IPPK: variants seen among roughly 807,000 people sequenced by gnomAD.
IPPK encodes the protein inositol-pentakisphosphate 2-kinase, also known as IPK1 homolog.
In IPPK, 22 loss-of-function variants were observed where a neutral mutation model predicts 64.6. The ratio of observed to expected loss-of-function variants is 0.34; its 90% CI spans 0.24 to 0.49. The LOEUF (loss-of-function observed/expected upper bound fraction) is 0.49. Ranked by LOEUF, IPPK falls within the 20% of genes least tolerant of loss-of-function variation. The pLI, the probability that IPPK is intolerant of heterozygous loss-of-function variation, is 0.99. For missense variants in IPPK, 532 were observed against 630.7 expected (o/e 0.84, Z 1.68); for synonymous variants, 262 against 247.2 (o/e 1.06, Z -0.56).
At chr9:92,649,689 T>A (rs970897197) in intron 4 of IPPK, 115 bp from the exon 5 acceptor site, 2 of 1,233,470 alleles carry the variant, frequency 1.6e-6, no homozygotes, top group African/African-American at 3.0e-5. Context: ...CTGTACCTGA[T>A]GAAAACCTCA....
At chr9:92,638,339 C>A in intron 8 of IPPK, 59 bp from the exon 9 acceptor site, 1 of 1,562,412 alleles carries the variant, frequency 6.4e-7, no homozygotes, top group Non-Finnish European at 8.7e-7. Context: ...AGGAAAAGAA[C>A]TCAGTCCCCA....
intron 11 of IPPK, among the ~76,000 whole-genome samples, chr9:92,627,490 A>G (rs931934349): frequency 6.6e-6 from 1 of 152,232 alleles, no homozygotes; most frequent in Non-Finnish European, 1.5e-5. Context: ...ACATATAAGA[A>G]GGACAAGACG....
rs1851375823 is a variant in IPPK at position 92,614,668 on chromosome 9, A to G, written c.*1164T>C. 1 of 152,642 alleles carries G rather than the reference A, an allele frequency of 6.6e-6. No individual in the cohort carries two copies. The highest frequency in any genetic ancestry group is 1.5e-5 in the Non-Finnish European group (1 of 68,036). 9.5% of individuals were successfully genotyped at this position (152,642 alleles called of 1,614,324 possible). A position where few individuals can be genotyped will look rare whatever the true frequency, so the allele number is the denominator to read the frequency against. ...TCATGTATCATTTTCATATAATTCC[A>G]TGGTTTCACTAATATTATATGTTAC... On this transcript the variant is annotated 3_prime_UTR_variant, in exon 13 of 13. Coordinates refer to ENST00000287996, the MANE Select transcript of IPPK (RefSeq NM_022755.6).
chr9:92,633,010 CT>C (rs796756965), intron 11 of IPPK, among the ~76,000 whole-genome samples: 6,735 of 144,072 alleles, frequency 0.047, 175 homozygotes, highest in South Asian at 0.11. Flanking sequence ...CTCAGAATAA[CT>C]TTTTTTTTTT....
At chr9:92,622,216 C>A (rs1851652646) in intron 11 of IPPK, among the ~76,000 whole-genome samples, 1 of 151,786 alleles carries the variant, frequency 6.6e-6, no homozygotes, top group Admixed American at 6.6e-5. Context: ...GAAAAAAAAA[C>A]CTACATTAAA....
intron 3 of IPPK, among the ~76,000 whole-genome samples, chr9:92,653,926 C>T (rs1267335799): frequency 1.3e-5 from 2 of 152,212 alleles, no homozygotes; most frequent in African/African-American, 4.8e-5. Flanking sequence ...CCAAAGAAAG[C>T]AAAAGCACAA....
chr9:92,668,641 A>T (rs1852653812), intron 1 of IPPK, among the ~76,000 whole-genome samples: 2 of 152,246 alleles, frequency 1.3e-5, no homozygotes, highest in Admixed American at 1.3e-4. Flanking sequence ...GTAACCCAAC[A>T]ACAAAAGGAC....
intron 6 of IPPK, among the ~76,000 whole-genome samples, chr9:92,643,314 G>A (rs1852087192): frequency 6.6e-6 from 1 of 152,094 alleles, no homozygotes; most frequent in Non-Finnish European, 1.5e-5. Context: ...AGTAGCACAG[G>A]GCAAAAAGGT....
Position 92,635,349 on chromosome 9 carries a change from T to C in IPPK, c.917-41A>G, listed in dbSNP as rs1330576452. ...GGGGAAAACGAGAGCATGTTGATTA[T>C]CAAAGAACGTGGAGGGAGACACAGG... On this transcript the variant is annotated intron_variant, in intron 9 of 12. Coordinates refer to ENST00000287996, the MANE Select transcript of IPPK (RefSeq NM_022755.6). This position sits in a 1 kb window ranked among gnomAD's most constrained non-coding sequence, Gnocchi z 4.4. The C allele has an allele frequency of 1.3e-6, 2 of 1,591,218 alleles. No homozygotes were observed. The highest frequency in any genetic ancestry group is 8.6e-7 in the Non-Finnish European group (1 of 1,168,070).
intron 1 of IPPK, among the ~76,000 whole-genome samples, chr9:92,663,578 G>T (rs1181359953): frequency 1.3e-5 from 2 of 152,208 alleles, no homozygotes; most frequent in Non-Finnish European, 2.9e-5. Context: ...TTTTCAGAGA[G>T]AAGAAGCAAC....
At chr9:92,650,863 G>C (rs1327574526) in intron 4 of IPPK, among the ~76,000 whole-genome samples, 11 of 152,062 alleles carry the variant, frequency 7.2e-5, no homozygotes, top group Non-Finnish European at 1.0e-4. Flanking sequence ...CACCAGATCT[G>C]CTGGAACCCG....
At chr9:92,656,652 AGGG>A in intron 2 of IPPK, 101 bp from the exon 3 acceptor site, 3 of 751,158 alleles carry the variant, frequency 4.0e-6, no homozygotes, top group Non-Finnish European at 7.1e-6. Context: ...ACCACAAGCA[AGGG>A]GGACATCCCA....
chr9:92,643,640 A>G (rs1337360095), intron 6 of IPPK, among the ~76,000 whole-genome samples: 1 of 152,130 alleles, frequency 6.6e-6, no homozygotes, highest in Non-Finnish European at 1.5e-5. Flanking sequence ...ATATCCAAAT[A>G]TGCACTGAAA....
chr9:92,642,129 C>T (rs769521369), intron 7 of IPPK, among the ~76,000 whole-genome samples: 3 of 152,252 alleles, frequency 2.0e-5, no homozygotes, highest in African/African-American at 2.4e-5. Context: ...CCAGGGCCTG[C>T]TCGCTGGGCC....
At chr9:92,655,897 G>C (rs1852363049) in intron 3 of IPPK, among the ~76,000 whole-genome samples, 1 of 152,174 alleles carries the variant, frequency 6.6e-6, no homozygotes, top group African/African-American at 2.4e-5. Context: ...CAAAACTACA[G>C]ATCTGCTCAG....
chr9:92,656,704 G>A (rs987460697), intron 2 of IPPK, among the ~76,000 whole-genome samples, 153 bp from the exon 3 acceptor site: 19 of 151,998 alleles, frequency 1.3e-4, no homozygotes, highest in Non-Finnish European at 2.4e-4. Context: ...TCAGACCCAG[G>A]GGAAGGTCCC....
At chr9:92,618,349 C>T (rs1410090381) in intron 12 of IPPK, 10 of 456,568 alleles carry the variant, frequency 2.2e-5, no homozygotes, top group East Asian at 2.1e-4. Flanking sequence ...CGTAAGGACC[C>T]GGGCCTTCAG....
rs774564640 is a variant in IPPK, at chr9:92,669,926, C to T, written c.63G>A (p.Leu21=). The T allele has an allele frequency of 1.9e-5, 31 of 1,612,888 alleles. No individual in the cohort carries two copies. The South Asian group carries it at 3.4e-4, about 18-fold the overall frequency. Residue 21 remains leucine (L), a synonymous_variant, in exon 1 of 13, where the codon CTG becomes CTA. Transcript: ENST00000287996. ...WGYHGEGNKS[L]VVAHAQRCVV... ...CGCTCACCTGCGCGTGGGCCACCAC[C>T]AGGCTCTTATTGCCCTCTCCGTGGT... is the stretch of plus-strand genomic sequence containing the variant.
Position 92,614,149 on chromosome 9 carries a change from G to A in IPPK, c.*1683C>T, listed in dbSNP as rs1851358424. The A allele has an allele frequency of 6.6e-6, 1 of 152,356 alleles. No individual in the cohort carries two copies. The highest frequency in any genetic ancestry group is 1.5e-5 in the Non-Finnish European group (1 of 68,158). 9.4% of individuals were successfully genotyped at this position (152,356 alleles called of 1,614,324 possible). A position where few individuals can be genotyped will look rare whatever the true frequency, so the allele number is the denominator to read the frequency against. On this transcript the variant is annotated 3_prime_UTR_variant, in exon 13 of 13. Coordinates refer to ENST00000287996, the MANE Select transcript of IPPK (RefSeq NM_022755.6). Reference sequence around the variant, plus strand: ...CCTGTGCTAGGCAATAACTCTTGCAGCCCTGAAGGACCTAGGGAGCCCAGC... The same window carrying A: ...CCTGTGCTAGGCAATAACTCTTGCAACCCTGAAGGACCTAGGGAGCCCAGC...
Sources: allele counts gnomAD v4.1 joint callset (sites outside exome capture counted in the v4.1 genomes callset), GRCh38; gene constraint gnomAD v4.1.1; non-coding constraint Gnocchi (gnomAD v3.1); transcripts MANE v1.5; gene names NCBI Gene and HGNC (gene_info 2026-07-23, HGNC 2026-07-21).